Variants in DLGAP2 observed in about 807,000 individuals in gnomAD.
DLGAP2 encodes the protein DLG associated protein 2, also known as disks large-associated protein 2.
Under a neutral mutation model 100.3 loss-of-function variants are expected in DLGAP2, and 26 were observed. The observed-to-expected ratio is 0.26, with a 90% CI of 0.19 to 0.36. The LOEUF is 0.36. DLGAP2 is among the 10% of genes least tolerant of loss of function. The pLI is 1.00. For synonymous variants in DLGAP2, 886 were observed against 630.1 expected (o/e 1.41, Z -6.08); for missense variants, 1,858 against 1,453.2 (o/e 1.28, Z -4.53).
intron 3 of DLGAP2, among the ~76,000 whole-genome samples, chr8:1,335,511 T>C (rs756695843): frequency 2.0e-5 from 3 of 152,080 alleles, no homozygotes; most frequent in Non-Finnish European, 4.4e-5. Flanking sequence ...ATATCGGACA[T>C]GATGGCCCAG....
intron 1 of DLGAP2, among the ~76,000 whole-genome samples, chr8:771,845 G>A (rs895448087): frequency 2.6e-5 from 4 of 152,218 alleles, no homozygotes; most frequent in Admixed American, 2.6e-4. Flanking sequence ...TGTGGAGCGT[G>A]TCCTTCTAAA....
chr8:1,371,356 C>T (rs1451315078), intron 3 of DLGAP2, among the ~76,000 whole-genome samples: 1 of 152,164 alleles, frequency 6.6e-6, no homozygotes, highest in African/African-American at 2.4e-5. Flanking sequence ...ATGGCATTTG[C>T]GCCAGGGCAG....
chr8:1,295,314 G>A (rs10283028), intron 3 of DLGAP2, among the ~76,000 whole-genome samples: 28,994 of 152,158 alleles, frequency 0.19, 3,251 homozygotes, highest in Non-Finnish European at 0.23. Context: ...AGATGACAGA[G>A]CCTTAAAAAC....
Position 838,554 on chromosome 8 carries a change from T to TA in DLGAP2, c.19-69352dup, listed in dbSNP as rs1265174475. ...ATACATTGTTTGATAAGCTTTAAAATAAAAAATATTAATTATAGATCCAGT... is the reference window on the plus strand; with the variant it reads ...ATACATTGTTTGATAAGCTTTAAAATAAAAAAATATTAATTATAGATCCAGT... On this transcript the variant is annotated intron_variant, in intron 1 of 14. Transcript: ENST00000637795. Among the ~76,000 whole-genome samples the TA allele has an allele frequency of 3.9e-5, 6 of 152,084 alleles. No individual in the cohort carries two copies. In the East Asian group the frequency reaches 7.7e-4, roughly 19 times the overall value.
At chr8:1,685,741 A>G (rs1343460123) in intron 12 of DLGAP2, among the ~76,000 whole-genome samples, 1 of 152,214 alleles carries the variant, frequency 6.6e-6, no homozygotes, top group Non-Finnish European at 1.5e-5. Flanking sequence ...ACAGAAAAAA[A>G]AAAAAATTCA....
intron 8 of DLGAP2, among the ~76,000 whole-genome samples, chr8:1,660,964 C>T (rs1288768177): frequency 1.3e-5 from 2 of 152,162 alleles, no homozygotes; most frequent in Non-Finnish European, 2.9e-5. Context: ...AGCAACAAGG[C>T]TGCTGGAACC....
At chr8:1,530,896 A>G (rs1316131477) in intron 4 of DLGAP2, among the ~76,000 whole-genome samples, 2 of 152,222 alleles carry the variant, frequency 1.3e-5, no homozygotes, top group Non-Finnish European at 1.5e-5. Context: ...CTATGTGTGA[A>G]TATCAGCCAG....
At chr8:1,617,824 A>G (rs767680196) in intron 6 of DLGAP2, among the ~76,000 whole-genome samples, 2 of 152,252 alleles carry the variant, frequency 1.3e-5, no homozygotes, top group Non-Finnish European at 2.9e-5. Flanking sequence ...TGTTAAAAAT[A>G]TTTGATTAAC....
chr8:1,094,295 T>C (rs1351205435), intron 2 of DLGAP2, among the ~76,000 whole-genome samples: 1 of 152,222 alleles, frequency 6.6e-6, no homozygotes, highest in Non-Finnish European at 1.5e-5. Flanking sequence ...TAAGGCATTT[T>C]AACTTTAATT....
At chr8:1,486,510 A>T (rs561393932) in intron 3 of DLGAP2, among the ~76,000 whole-genome samples, 3 of 152,256 alleles carry the variant, frequency 2.0e-5, no homozygotes, top group African/African-American at 7.2e-5. Flanking sequence ...AAGACCCCCT[A>T]TGGAAGGCTG....
At chr8:1,659,784 G>C (rs1202765204) in intron 8 of DLGAP2, among the ~76,000 whole-genome samples, 2 of 152,118 alleles carry the variant, frequency 1.3e-5, no homozygotes, top group Non-Finnish European at 2.9e-5. Context: ...GATGGGTCTT[G>C]ACTCTTTATC....
chr8:1,129,190 G>T (rs1796234513), intron 2 of DLGAP2, among the ~76,000 whole-genome samples: 1 of 152,098 alleles, frequency 6.6e-6, no homozygotes, highest in South Asian at 2.1e-4. Flanking sequence ...TGGATCACAA[G>T]GTCAGGAGTT....
chr8:1,701,174 G>C lies in DLGAP2; in HGVS notation c.2950-14G>C. 1 of 1,551,966 alleles carries C rather than the reference G, an allele frequency of 6.4e-7. No individual in the cohort carries two copies. Among genetic ancestry groups the C allele is most frequent in the Non-Finnish European group, 8.7e-7 (1 of 1,148,478 alleles). Reference sequence around the variant, plus strand: ...TCCGAGCACCTGCCAACGGTGACTTGCGCTGCTTTTCAGGAAGAAAGAAAG... The same window carrying C: ...TCCGAGCACCTGCCAACGGTGACTTCCGCTGCTTTTCAGGAAGAAAGAAAG... On this transcript the variant is annotated splice_polypyrimidine_tract_variant and intron_variant, in intron 14 of 14. Transcript: ENST00000637795.
intron 12 of DLGAP2, among the ~76,000 whole-genome samples, chr8:1,689,281 A>G (rs1017673594): frequency 3.9e-5 from 6 of 152,206 alleles, no homozygotes; most frequent in African/African-American, 1.2e-4. Flanking sequence ...GAGTCAGGCC[A>G]TGCCCGGCAC....
rs74668192 is a variant in DLGAP2, at chr8:1,136,299, G to C, written c.74-122552G>C. 7.3e-5 allele frequency among the ~76,000 whole-genome samples: 11 copies of C among 151,608 alleles called. No individual in the cohort carries two copies. In the South Asian group the frequency reaches 8.3e-4, roughly 11 times the overall value. The stretch of plus-strand genomic sequence containing the variant: ...TACCAGCGAATAGACTTCAAACCTC[G>C]TAAAAAAAAACTCCCCTCCCATCAG... On this transcript the variant is annotated intron_variant, in intron 2 of 14. Transcript: ENST00000637795.
chr8:1,306,179 A>G (rs941444933), intron 3 of DLGAP2, among the ~76,000 whole-genome samples: 28 of 151,942 alleles, frequency 1.8e-4, no homozygotes, highest in African/African-American at 6.0e-4. Context: ...TATGTAGAAA[A>G]CTGTGAAGAT....
intron 1 of DLGAP2, among the ~76,000 whole-genome samples, chr8:790,896 C>T (rs1822008648): frequency 6.6e-6 from 1 of 152,070 alleles, no homozygotes; most frequent in Non-Finnish European, 1.5e-5. Context: ...CAGGTGCACG[C>T]CACCATGCCT....
chr8:1,084,030 G>C (rs1054790201), intron 2 of DLGAP2, among the ~76,000 whole-genome samples: 5 of 152,118 alleles, frequency 3.3e-5, no homozygotes, highest in Non-Finnish European at 7.4e-5. Context: ...GTCCCTGTGT[G>C]ATTAACACAC....
At chr8:1,199,588 A>C (rs1205493333) in intron 2 of DLGAP2, among the ~76,000 whole-genome samples, 1 of 152,168 alleles carries the variant, frequency 6.6e-6, no homozygotes, top group Non-Finnish European at 1.5e-5. Context: ...TGACCTCGGG[A>C]AACACCATCT....
Sources: allele counts gnomAD v4.1 joint callset (sites outside exome capture counted in the v4.1 genomes callset), GRCh38; gene constraint gnomAD v4.1.1; transcripts MANE v1.5; gene names NCBI Gene and HGNC (gene_info 2026-07-23, HGNC 2026-07-21).